Variants in DGKB observed in about 807,000 individuals in gnomAD.
The protein encoded by DGKB is diacylglycerol kinase beta.
Under a neutral mutation model 114.3 loss-of-function variants are expected in DGKB, and 67 were observed. That is an observed-to-expected ratio of 0.59 (90% CI 0.48 to 0.72). The LOEUF is 0.72. Among genes scored for constraint, DGKB ranks in the 30% least tolerant of loss-of-function variants. DGKB has a pLI of 0.00. For missense variants in DGKB, 907 were observed against 975.2 expected (o/e 0.93, Z 0.93); for synonymous variants, 398 against 323.1 (o/e 1.23, Z -2.49).
At chr7:14,635,003 A>G (rs1308698528) in intron 13 of DGKB, among the ~76,000 whole-genome samples, 1 of 151,562 alleles carries the variant, frequency 6.6e-6, no homozygotes, top group African/African-American at 2.4e-5. Context: ...AAAGAAACAT[A>G]AATTATTTTT....
chr7:14,493,825 A>G (rs1276838044), intron 20 of DGKB, among the ~76,000 whole-genome samples: 1 of 151,970 alleles, frequency 6.6e-6, no homozygotes, highest in African/African-American at 2.4e-5. Context: ...AAAGGGGACT[A>G]CTGTAATATT....
Position 14,208,885 on chromosome 7 carries a change from GT to G in DGKB, c.2123-30735del, listed in dbSNP as rs10566891. On this transcript the variant is annotated intron_variant, in intron 23 of 25. Coordinates refer to ENST00000402815, the MANE Select transcript of DGKB (RefSeq NM_001350709.2). ...ATTCATAGCCTCCTGGAAATAGCTA[GT>G]TTTTTTTTTTTTCATTTATCCTTTT... Among the ~76,000 whole-genome samples the G allele has an allele frequency of 3.3e-3, 485 of 145,984 alleles. 3 individuals carry two copies. The highest frequency in any genetic ancestry group is 0.021 in the East Asian group (104 of 4,952).
intron 1 of DGKB, among the ~76,000 whole-genome samples, chr7:14,847,232 A>G (rs1470165582): frequency 6.8e-6 from 1 of 147,822 alleles, no homozygotes; most frequent in Non-Finnish European, 1.5e-5. Context: ...CGGAGCTTGC[A>G]GTGAGCCGAG....
intron 13 of DGKB, among the ~76,000 whole-genome samples, chr7:14,635,936 A>G (rs1199637025): frequency 6.6e-6 from 1 of 151,682 alleles, no homozygotes; most frequent in Non-Finnish European, 1.5e-5. Context: ...CAAATATAGC[A>G]CTATAGGTAA....
Position 14,682,745 on chromosome 7 carries a change from A to G in DGKB, c.918+8T>C. 1 of 1,612,198 alleles carries G rather than the reference A, an allele frequency of 6.2e-7. No homozygotes were observed. Among genetic ancestry groups the G allele is most frequent in the Non-Finnish European group, 8.5e-7 (1 of 1,178,526 alleles). The stretch of plus-strand genomic sequence containing the variant: ...ACCTTCAGAAAGCAAGCATGCACAC[A>G]AACTTACATCAGTGTTCCTTTTGGA... On this transcript the variant is annotated splice_region_variant and intron_variant, in intron 11 of 25. Coordinates refer to ENST00000402815, the MANE Select transcript of DGKB (RefSeq NM_001350709.2).
intron 20 of DGKB, among the ~76,000 whole-genome samples, chr7:14,556,632 T>C (rs546489127): frequency 6.6e-6 from 1 of 152,294 alleles, no homozygotes; most frequent in African/African-American, 2.4e-5. Context: ...CTCTTGTTTT[T>C]ATTTAAAACA....
chr7:14,189,510 C>T (rs1238621952), intron 23 of DGKB, among the ~76,000 whole-genome samples: 5 of 151,958 alleles, frequency 3.3e-5, no homozygotes, highest in Admixed American at 6.5e-5. Context: ...AAGGAATCTA[C>T]AAGATAAGGA....
intron 13 of DGKB, among the ~76,000 whole-genome samples, chr7:14,656,091 A>C (rs1294502806): frequency 6.6e-6 from 1 of 151,686 alleles, no homozygotes; most frequent in Non-Finnish European, 1.5e-5. Context: ...AATTACTCTG[A>C]TTTAATCACT....
chr7:14,284,708 G>T (rs1173557778), intron 23 of DGKB, among the ~76,000 whole-genome samples: 1 of 151,392 alleles, frequency 6.6e-6, no homozygotes, highest in Admixed American at 6.6e-5. Context: ...CATGTCCTTT[G>T]TAGGGACATG....
chr7:14,567,527 T>A (rs1273256052), intron 20 of DGKB, among the ~76,000 whole-genome samples: 14 of 95,028 alleles, frequency 1.5e-4, no homozygotes, highest in African/African-American at 5.3e-4. Flanking sequence ...TTATATATTA[T>A]AATTATATAT....
intron 20 of DGKB, among the ~76,000 whole-genome samples, chr7:14,564,535 A>G (rs935743475): frequency 2.0e-4 from 30 of 152,192 alleles, no homozygotes; most frequent in African/African-American, 7.2e-4. Context: ...CAGGGGAAGA[A>G]GATGTAGGTC....
intron 20 of DGKB, among the ~76,000 whole-genome samples, chr7:14,570,427 T>C (rs577886612): frequency 6.6e-6 from 1 of 152,186 alleles, no homozygotes; most frequent in South Asian, 2.1e-4. Flanking sequence ...GAGTTAGGGG[T>C]GCTGACCACT....
chr7:14,967,310 T>TATTTTC (rs1372320792), intron 1 of DGKB, among the ~76,000 whole-genome samples: 1 of 39,128 alleles, frequency 2.6e-5, no homozygotes, highest in Non-Finnish European at 4.4e-5. Flanking sequence ...TGACTTGATT[T>TATTTTC]ATTTTTATTT....
intron 6 of DGKB, among the ~76,000 whole-genome samples, chr7:14,703,558 A>G (rs1825596264): frequency 6.6e-6 from 1 of 152,238 alleles, no homozygotes; most frequent in African/African-American, 2.4e-5. Context: ...TCCACCACAC[A>G]GAAGCACAGT....
chr7:14,459,247 C>G lies in DGKB; in HGVS notation c.1835+18914G>C, dbSNP rs575605624. Among the ~76,000 whole-genome samples, 5 of 152,252 alleles carry G rather than the reference C, an allele frequency of 3.3e-5. No homozygotes were observed. The South Asian group carries it at 1.0e-3, about 32-fold the overall frequency. On this transcript the variant is annotated intron_variant, in intron 21 of 25. Transcript: ENST00000402815. ...ACTCCAATCTCCCTGGAGCAGAGCACCCGGGGGAAGGGGTAGCTGTGGGTG... is the reference window on the plus strand; with the variant it reads ...ACTCCAATCTCCCTGGAGCAGAGCAGCCGGGGGAAGGGGTAGCTGTGGGTG...
intron 7 of DGKB, 48 bp from the exon 8 acceptor site, chr7:14,698,217 G>C (rs1824427976): frequency 2.5e-6 from 3 of 1,188,566 alleles, no homozygotes; most frequent in South Asian, 1.5e-5. Context: ...ATCTTAGTGA[G>C]TTTTAAATCT....
intron 20 of DGKB, among the ~76,000 whole-genome samples, chr7:14,550,028 A>C (rs533964113): frequency 1.4e-4 from 22 of 152,188 alleles, no homozygotes; most frequent in South Asian, 8.3e-4. Context: ...TGCTTAATGA[A>C]CAAGCAATTT....
intron 23 of DGKB, among the ~76,000 whole-genome samples, chr7:14,244,157 G>A (rs1794083944): frequency 6.6e-6 from 1 of 152,102 alleles, no homozygotes; most frequent in African/African-American, 2.4e-5. Flanking sequence ...AAAGGAGATC[G>A]AAAGTGGACT....
intron 21 of DGKB, among the ~76,000 whole-genome samples, chr7:14,465,819 C>T (rs1780378662): frequency 6.6e-6 from 1 of 152,140 alleles, no homozygotes; most frequent in South Asian, 2.1e-4. Context: ...TGCTTATTAG[C>T]GTTGTCTTAA....
Sources: allele counts gnomAD v4.1 joint callset (sites outside exome capture counted in the v4.1 genomes callset), GRCh38; gene constraint gnomAD v4.1.1; transcripts MANE v1.5; gene names NCBI Gene and HGNC (gene_info 2026-07-23, HGNC 2026-07-21).